MLLT3: variants seen among roughly 807,000 people sequenced by gnomAD.
MLLT3 encodes protein AF-9.
Under a neutral mutation model 53.2 loss-of-function variants are expected in MLLT3, and 4 were observed. That is an observed-to-expected ratio of 0.08 (90% CI 0.04 to 0.17). MLLT3 has a LOEUF of 0.17. MLLT3 is among the 10% of genes least tolerant of loss of function. MLLT3 has a pLI of 1.00. For synonymous variants in MLLT3, 283 were observed against 230.6 expected (o/e 1.23, Z -2.06); for missense variants, 569 against 684.0 (o/e 0.83, Z 1.87).
intron 8 of MLLT3, among the ~76,000 whole-genome samples, chr9:20,357,886 G>A (rs1180712514): frequency 5.9e-5 from 9 of 151,760 alleles, no homozygotes; most frequent in Non-Finnish European, 8.8e-5. Flanking sequence ...GTCCTTCCAA[G>A]TATGTTCTCA....
Position 20,346,379 on chromosome 9 carries a change from C to CAAAAAAAAAAAAAAACCAAAAAA in MLLT3, c.*63_*64insTTTTTTGGTTTTTTTTTTTTTTT. On this transcript the variant is annotated 3_prime_UTR_variant, in exon 11 of 11. Transcript: ENST00000380338. ...AACAACAAGAACAAAAAATCACAAC[C>CAAAAAAAAAAAAAAACCAAAAAA]AAAAAAAAAAAAAACCAAAAAAAAA... 1 of 982,276 alleles carries CAAAAAAAAAAAAAAACCAAAAAA rather than the reference C, an allele frequency of 1.0e-6. No homozygotes were observed. The highest frequency in any genetic ancestry group is 1.3e-6 in the Non-Finnish European group (1 of 760,718). 60.8% of individuals were successfully genotyped at this position (982,276 alleles called of 1,614,324 possible).
chr9:20,532,112 G>A (rs1427190884), intron 2 of MLLT3, among the ~76,000 whole-genome samples: 1 of 152,008 alleles, frequency 6.6e-6, no homozygotes, highest in African/African-American at 2.4e-5. Flanking sequence ...AAATGTCATG[G>A]CCTCAAGCGA....
intron 2 of MLLT3, among the ~76,000 whole-genome samples, chr9:20,614,338 G>A (rs1820771687): frequency 6.7e-6 from 1 of 150,152 alleles, no homozygotes; most frequent in African/African-American, 2.4e-5. Flanking sequence ...AAGTTGCAGT[G>A]AGCCAAGATC....
chr9:20,369,181 C>G lies in MLLT3; in HGVS notation c.1126-3437G>C, dbSNP rs536399845. Among the ~76,000 whole-genome samples, 117 of 152,070 alleles carry G rather than the reference C, an allele frequency of 7.7e-4. 1 individual carries two copies. In the South Asian group the frequency reaches 0.023, roughly 30 times the overall value. On this transcript the variant is annotated intron_variant, in intron 5 of 10. Coordinates refer to ENST00000380338, the MANE Select transcript of MLLT3 (RefSeq NM_004529.4). ...AACCACTGATCGAGGACCCAGAGAC[C>G]GATAATCACAGAAACTCAACAGAAT...
In MLLT3 at chr9:20,571,424, T is replaced by TA. The variant is rs369220946; in HGVS notation, c.193+49229dup. ...TATAAGCAACTCAATTCAATAACAA[T>TA]AAAAAAAACCTGATTTTATGTATTT... On this transcript the variant is annotated intron_variant, in intron 2 of 10. Transcript: ENST00000380338. Among the ~76,000 whole-genome samples the TA allele has an allele frequency of 4.2e-3, 639 of 152,122 alleles. 3 individuals are homozygous for TA. The highest frequency in any genetic ancestry group is 6.4e-3 in the Non-Finnish European group (436 of 67,958).
chr9:20,415,653 G>T (rs2118781468), intron 4 of MLLT3, among the ~76,000 whole-genome samples: 1 of 152,120 alleles, frequency 6.6e-6, no homozygotes, highest in South Asian at 2.1e-4. Context: ...TTAAGCCAAT[G>T]ATATGTAAAC....
intron 2 of MLLT3, among the ~76,000 whole-genome samples, chr9:20,533,523 A>G (rs1159404247): frequency 1.3e-5 from 2 of 152,200 alleles, no homozygotes; most frequent in African/African-American, 4.8e-5. Flanking sequence ...TTAAAAATAG[A>G]ACTACCATAT....
At chr9:20,510,417 C>T (rs2118959464) in intron 2 of MLLT3, among the ~76,000 whole-genome samples, 1 of 152,104 alleles carries the variant, frequency 6.6e-6, no homozygotes, top group East Asian at 1.9e-4. Context: ...TCAAGAGCAG[C>T]CTGGCCAACA....
intron 2 of MLLT3, among the ~76,000 whole-genome samples, chr9:20,573,638 A>C (rs1481731634): frequency 6.6e-6 from 1 of 152,244 alleles, no homozygotes; most frequent in Non-Finnish European, 1.5e-5. Flanking sequence ...GAATTATAAG[A>C]TCTGAAGCAA....
In MLLT3 at chr9:20,395,927, C is replaced by T. The variant is rs1719716744; in HGVS notation, c.1125+17794G>A. Among the ~76,000 whole-genome samples the T allele has an allele frequency of 3.3e-5, 5 of 152,152 alleles. No individual in the cohort carries two copies. In the South Asian group the frequency reaches 1.0e-3, roughly 32 times the overall value. On this transcript the variant is annotated intron_variant, in intron 5 of 10. Transcript: ENST00000380338. ...AAGGAAACCATCGGTAACAACTGTA[C>T]TGTAGAATTTTCTGAATGCAGGATC...
intron 2 of MLLT3, among the ~76,000 whole-genome samples, chr9:20,604,201 G>T (rs1480591004): frequency 6.6e-6 from 1 of 152,030 alleles, no homozygotes; most frequent in Non-Finnish European, 1.5e-5. Context: ...TTGAAATTTT[G>T]TTGGGATTTT....
intron 4 of MLLT3, among the ~76,000 whole-genome samples, chr9:20,428,856 T>C (rs1823197757): frequency 6.6e-6 from 1 of 152,078 alleles, no homozygotes; most frequent in Non-Finnish European, 1.5e-5. Flanking sequence ...ATATCATAAA[T>C]AATTTTATTG....
chr9:20,619,959 C>G (rs916228820), intron 2 of MLLT3, among the ~76,000 whole-genome samples: 8 of 152,118 alleles, frequency 5.3e-5, no homozygotes, highest in African/African-American at 1.7e-4. Context: ...AGATCACATC[C>G]GGCAGACACT....
chr9:20,548,033 A>G (rs1434896584), intron 2 of MLLT3, among the ~76,000 whole-genome samples: 2 of 152,228 alleles, frequency 1.3e-5, no homozygotes, highest in African/African-American at 4.8e-5. Flanking sequence ...TCATTTGACT[A>G]CTTGACTTGT....
chr9:20,445,851 C>T (rs370535691), intron 4 of MLLT3, among the ~76,000 whole-genome samples: 53 of 151,960 alleles, frequency 3.5e-4, no homozygotes, highest in African/African-American at 1.3e-3. Context: ...AAACCCAGGC[C>T]AAAAAATAAG....
intron 2 of MLLT3, among the ~76,000 whole-genome samples, chr9:20,590,327 T>G (rs1334969197): frequency 6.6e-6 from 1 of 152,206 alleles, no homozygotes. Flanking sequence ...CTATACTTAC[T>G]GCTGATATGG....
At position 20,343,183 on chromosome 9, in the gene MLLT3, CAA is replaced by C. The variant is rs71334526; in HGVS notation, c.*3258_*3259del. ...TAGGTGGGCCTGTAAAAGATATCGG[CAA>C]AAAAAAAAAAAAAAAAAAAAAAAAA... On this transcript the variant is annotated 3_prime_UTR_variant, in exon 11 of 11. Coordinates refer to ENST00000380338, the MANE Select transcript of MLLT3 (RefSeq NM_004529.4). The C allele has an allele frequency of 1.9e-3, 77 of 40,310 alleles. No individual in the cohort carries two copies. Among genetic ancestry groups the C allele is most frequent in the African/African-American group, 6.8e-3 (53 of 7,828 alleles). The allele number at this position is 40,310 out of a possible 1,614,324, so 2.5% of individuals were successfully genotyped here.
At chr9:20,568,603 C>A (rs907948815) in intron 2 of MLLT3, among the ~76,000 whole-genome samples, 13 of 152,082 alleles carry the variant, frequency 8.5e-5, no homozygotes, top group African/African-American at 2.4e-4. Flanking sequence ...GGGGTACACA[C>A]CCAAAAATCC....
At position 20,342,326 on chromosome 9, in the gene MLLT3, A is replaced by T; in HGVS notation, c.*4117T>A. 4.4e-6 allele frequency: 1 copy of T among 225,422 alleles called. No individual in the cohort carries two copies. Among genetic ancestry groups the T allele is most frequent in the Non-Finnish European group, 8.8e-6 (1 of 113,256 alleles). 14.0% of individuals were successfully genotyped at this position (225,422 alleles called of 1,614,324 possible). A position where few individuals can be genotyped will look rare whatever the true frequency, so the allele number is the denominator to read the frequency against. On this transcript the variant is annotated 3_prime_UTR_variant, in exon 11 of 11. Transcript: ENST00000380338. Reference sequence around the variant, plus strand: ...ACAGTGTGCCTTGAATTCACACAAAAGCATGTACACATACACAATGTATCT... The same window carrying T: ...ACAGTGTGCCTTGAATTCACACAAATGCATGTACACATACACAATGTATCT...
Sources: gnomAD v4.1 joint callset for allele counts (sites outside exome capture counted in the v4.1 genomes callset) on GRCh38, gnomAD v4.1.1 for gene constraint, MANE v1.5 for transcripts, NCBI Gene and HGNC (gene_info 2026-07-23, HGNC 2026-07-21) for gene names.